The following GALNT17 variants were observed in gnomAD, a reference collection of about 807,000 sequenced individuals.
GALNT17 encodes the protein polypeptide N-acetylgalactosaminyltransferase 17.
Under a neutral mutation model 63.7 loss-of-function variants are expected in GALNT17, and 29 were observed. The ratio of observed to expected loss-of-function variants is 0.46; its 90% CI spans 0.34 to 0.62. The LOEUF is 0.62. GALNT17 is among the 20% of genes least tolerant of loss of function. GALNT17 has a pLI of 0.01. For missense variants in GALNT17, 603 were observed against 799.6 expected (o/e 0.75, Z 2.97); for synonymous variants, 305 against 318.3 (o/e 0.96, Z 0.45).
At chr7:71,494,102 A>G (rs1788054933) in intron 5 of GALNT17, among the ~76,000 whole-genome samples, 1 of 152,092 alleles carries the variant, frequency 6.6e-6, no homozygotes, top group South Asian at 2.1e-4. Context: ...AGGCCTCAGG[A>G]AACTTATGAT....
chr7:71,552,224 T>C (rs571908784), intron 5 of GALNT17, among the ~76,000 whole-genome samples: 2 of 152,084 alleles, frequency 1.3e-5, no homozygotes, highest in East Asian at 3.9e-4. Context: ...TTTGTATTTT[T>C]AGTAGAGACG....
At chr7:71,603,189 T>C (rs1789992561) in intron 6 of GALNT17, among the ~76,000 whole-genome samples, 1 of 146,884 alleles carries the variant, frequency 6.8e-6, no homozygotes, top group African/African-American at 2.5e-5. Context: ...ACACTGGATA[T>C]TATGCTAAGT....
chr7:71,674,276 T>A (rs886373664), intron 8 of GALNT17, among the ~76,000 whole-genome samples: 10 of 151,950 alleles, frequency 6.6e-5, no homozygotes, highest in Admixed American at 2.0e-4. Flanking sequence ...TATATATATT[T>A]CAGATGGACT....
chr7:71,708,047 C>A (rs1791744649), intron 9 of GALNT17, among the ~76,000 whole-genome samples: 1 of 152,206 alleles, frequency 6.6e-6, no homozygotes. Flanking sequence ...AAAGCAAGTA[C>A]TAGGATTATG....
rs1222285300 is a variant in GALNT17, at chr7:71,315,848, G to A, written c.239-19702G>A. On this transcript the variant is annotated intron_variant, in intron 1 of 10. Coordinates refer to ENST00000333538, the MANE Select transcript of GALNT17 (RefSeq NM_022479.3). The stretch of plus-strand genomic sequence containing the variant: ...GACCATCAAGGGCACTTTCTCAGAG[G>A]TGGAGGATAACTGGGACATGGAAGG... 3.3e-5 allele frequency among the ~76,000 whole-genome samples: 5 copies of A among 152,108 alleles called. 1 individual carries two copies. Among genetic ancestry groups the A allele is most frequent in the Admixed American group, 3.3e-4 (5 of 15,258 alleles).
At chr7:71,391,226 A>T (rs1455949907) in intron 3 of GALNT17, among the ~76,000 whole-genome samples, 1 of 152,180 alleles carries the variant, frequency 6.6e-6, no homozygotes, top group Non-Finnish European at 1.5e-5. Context: ...CCCAGAGAGG[A>T]GCATGAACTG....
chr7:71,141,807 G>C (rs1248406866), intron 1 of GALNT17, among the ~76,000 whole-genome samples: 3 of 150,584 alleles, frequency 2.0e-5, no homozygotes, highest in Admixed American at 6.6e-5. Flanking sequence ...CTGCTTGGTA[G>C]CTGGGATTAC....
At chr7:71,508,786 G>T (rs1462212829) in intron 5 of GALNT17, among the ~76,000 whole-genome samples, 1 of 152,124 alleles carries the variant, frequency 6.6e-6, no homozygotes, top group Admixed American at 6.5e-5. Flanking sequence ...CCCAGTGACA[G>T]ACTTCACACC....
At chr7:71,263,816 T>C (rs543411347) in intron 1 of GALNT17, among the ~76,000 whole-genome samples, 3 of 151,902 alleles carry the variant, frequency 2.0e-5, no homozygotes, top group African/African-American at 7.3e-5. Flanking sequence ...CCTAGCTACT[T>C]GGGAGGCTGA....
chr7:71,280,998 T>C (rs562147815), intron 1 of GALNT17, among the ~76,000 whole-genome samples: 175 of 152,020 alleles, frequency 1.2e-3, no homozygotes, highest in African/African-American at 3.9e-3. Flanking sequence ...TGCCCAGAGA[T>C]TGTAGTGGTC....
chr7:71,455,988 G>C (rs1787348378), intron 5 of GALNT17, among the ~76,000 whole-genome samples: 1 of 152,172 alleles, frequency 6.6e-6, no homozygotes, highest in Non-Finnish European at 1.5e-5. Context: ...GCTCACGTCT[G>C]TAATCCCAGC....
intron 1 of GALNT17, among the ~76,000 whole-genome samples, chr7:71,294,540 A>G (rs1432262975): frequency 6.7e-6 from 1 of 148,946 alleles, no homozygotes; most frequent in Non-Finnish European, 1.5e-5. Flanking sequence ...TCAGCTTCCC[A>G]AGTAGCTGGG....
At chr7:71,630,834 G>C (rs1360936815) in intron 6 of GALNT17, among the ~76,000 whole-genome samples, 4 of 152,180 alleles carry the variant, frequency 2.6e-5, no homozygotes, top group Non-Finnish European at 5.9e-5. Flanking sequence ...AGGGAGAAGT[G>C]CCATTTCAGA....
At chr7:71,274,512 T>G (rs1349810865) in intron 1 of GALNT17, among the ~76,000 whole-genome samples, 1 of 152,186 alleles carries the variant, frequency 6.6e-6, no homozygotes, top group Non-Finnish European at 1.5e-5. Context: ...AGTCCTGGCC[T>G]CAAGCAGTCC....
chr7:71,563,864 C>T (rs1789295077), intron 5 of GALNT17, among the ~76,000 whole-genome samples: 1 of 152,130 alleles, frequency 6.6e-6, no homozygotes, highest in South Asian at 2.1e-4. Context: ...CAGGTGTGAG[C>T]CACCATACTT....
At chr7:71,326,858 A>G (rs892888305) in intron 1 of GALNT17, among the ~76,000 whole-genome samples, 2 of 152,238 alleles carry the variant, frequency 1.3e-5, no homozygotes, top group African/African-American at 2.4e-5. Flanking sequence ...TGCCACACCA[A>G]AGGGCTCTTT....
At chr7:71,302,648 A>T (rs1345438825) in intron 1 of GALNT17, among the ~76,000 whole-genome samples, 1 of 152,146 alleles carries the variant, frequency 6.6e-6, no homozygotes, top group Non-Finnish European at 1.5e-5. Flanking sequence ...AGCTAGGCTG[A>T]ATTGATGAAA....
intron 1 of GALNT17, among the ~76,000 whole-genome samples, chr7:71,137,872 G>A (rs1455823235): frequency 6.6e-6 from 1 of 152,148 alleles, no homozygotes; most frequent in East Asian, 1.9e-4. Flanking sequence ...GCCAACACTT[G>A]CACAGTCAAA....
chr7:71,453,425 G>A (rs910634885), intron 5 of GALNT17, among the ~76,000 whole-genome samples: 2 of 152,180 alleles, frequency 1.3e-5, no homozygotes, highest in South Asian at 2.1e-4. Flanking sequence ...GGAAAGGCAC[G>A]TCTAACGTGG....
Sources: gnomAD v4.1 joint callset for allele counts (sites outside exome capture counted in the v4.1 genomes callset) on GRCh38, gnomAD v4.1.1 for gene constraint, MANE v1.5 for transcripts, NCBI Gene and HGNC (gene_info 2026-07-23, HGNC 2026-07-21) for gene names.